Variants in ARHGAP10 observed in about 807,000 individuals in gnomAD.
The protein encoded by ARHGAP10 is Rho GTPase activating protein 10.
In ARHGAP10, 87 loss-of-function variants were observed where a neutral mutation model predicts 108.6. That is an observed-to-expected ratio of 0.80 (90% CI 0.67 to 0.96). The LOEUF is 0.96. Among genes scored for constraint, ARHGAP10 ranks in the 40% least tolerant of loss-of-function variants. ARHGAP10 has a pLI of 0.00. For synonymous variants in ARHGAP10, 347 were observed against 341.1 expected (o/e 1.02, Z -0.19); for missense variants, 939 against 954.5 (o/e 0.98, Z 0.21).
chr4:148,067,723 T>TGG (rs1216163157), intron 22 of ARHGAP10, among the ~76,000 whole-genome samples: 1 of 152,184 alleles, frequency 6.6e-6, no homozygotes, highest in African/African-American at 2.4e-5. Flanking sequence ...GAAAACAAAC[T>TGG]GGAGGTCAGA....
intron 1 of ARHGAP10, among the ~76,000 whole-genome samples, chr4:147,740,047 CTT>C (rs59246980): frequency 1.8e-4 from 21 of 118,848 alleles, no homozygotes; most frequent in Middle Eastern, 6.7e-3. Context: ...TACTGGGTTA[CTT>C]TTTTTTTTTT....
chr4:147,982,623 A>T (rs1233523921), intron 18 of ARHGAP10, among the ~76,000 whole-genome samples: 1 of 138,970 alleles, frequency 7.2e-6, no homozygotes, highest in Admixed American at 7.3e-5. Flanking sequence ...CTGGTCTCGA[A>T]CTCCTTGGCT....
chr4:148,061,516 A>G (rs1278002121), intron 20 of ARHGAP10, among the ~76,000 whole-genome samples: 4 of 152,208 alleles, frequency 2.6e-5, no homozygotes, highest in African/African-American at 7.2e-5. Flanking sequence ...TCACTTTAAG[A>G]TTTATAACAA....
chr4:148,006,320 G>C (rs1037691728), intron 18 of ARHGAP10, among the ~76,000 whole-genome samples: 1 of 152,226 alleles, frequency 6.6e-6, no homozygotes, highest in African/African-American at 2.4e-5. Flanking sequence ...GGTCATCCCA[G>C]ACGTTAGCAG....
At chr4:148,023,971 G>C (rs753078461) in intron 19 of ARHGAP10, among the ~76,000 whole-genome samples, 1 of 152,242 alleles carries the variant, frequency 6.6e-6, no homozygotes, top group Non-Finnish European at 1.5e-5. Context: ...AAGTTCTCAC[G>C]TCCCTTCCGA....
chr4:147,866,522 C>A (rs1229324198), intron 6 of ARHGAP10, 190 bp from the exon 7 acceptor site: 2 of 505,662 alleles, frequency 4.0e-6, no homozygotes, highest in East Asian at 3.2e-5. Flanking sequence ...AAAAAAGCAT[C>A]ATTTTCTATA....
chr4:147,775,529 C>A (rs1173762364), intron 1 of ARHGAP10, among the ~76,000 whole-genome samples: 3 of 152,152 alleles, frequency 2.0e-5, no homozygotes, highest in Admixed American at 1.3e-4. Context: ...AGAATAAGCA[C>A]CTTGTAGCCT....
chr4:148,068,871 C>T (rs1374534882), intron 22 of ARHGAP10, among the ~76,000 whole-genome samples: 1 of 152,182 alleles, frequency 6.6e-6, no homozygotes, highest in Non-Finnish European at 1.5e-5. Flanking sequence ...ACCTGCCTCT[C>T]TTTGGTGCTA....
rs1407875518 is a variant in ARHGAP10, at chr4:147,735,533, A to G, written c.154+3078A>G. Among the ~76,000 whole-genome samples the G allele has an allele frequency of 2.6e-5, 4 of 152,270 alleles. No homozygotes were observed. The East Asian group carries it at 7.7e-4, about 29-fold the overall frequency. ...GTTTTTCAGGGAGTAGTAGACTGGG[A>G]TGGATGGAGAGGTCAGTTTTAGATT... On this transcript the variant is annotated intron_variant, in intron 1 of 22. Transcript: ENST00000336498.
rs73853990 is a variant in ARHGAP10, at chr4:147,924,698, A to C, written c.1228+11559A>C. ...GCATAGTGGTGAAGAACATTAGCCCAAAAGACTATCTTGATTGTAATCTCA... is the reference window on the plus strand; with the variant it reads ...GCATAGTGGTGAAGAACATTAGCCCCAAAGACTATCTTGATTGTAATCTCA... On this transcript the variant is annotated intron_variant, in intron 13 of 22. Transcript: ENST00000336498. Among the ~76,000 whole-genome samples the C allele has an allele frequency of 1.4e-3, 213 of 152,298 alleles. 1 individual carries two copies. The highest frequency in any genetic ancestry group is 4.9e-3 in the African/African-American group (202 of 41,542).
At position 147,829,435 on chromosome 4, in the gene ARHGAP10, C is replaced by T. The variant is rs376483857; in HGVS notation, c.312+6478C>T. Among the ~76,000 whole-genome samples the T allele has an allele frequency of 5.3e-5, 8 of 151,934 alleles. No individual in the cohort carries two copies. The East Asian group carries it at 7.7e-4, about 15-fold the overall frequency. On this transcript the variant is annotated intron_variant, in intron 3 of 22. Coordinates refer to ENST00000336498, the MANE Select transcript of ARHGAP10 (RefSeq NM_024605.4). ...AACTCCTGACCTCGGGTGATCCACCCGCCTCGATCTCTGAAAGTGCTGGGA... is the reference window on the plus strand; with the variant it reads ...AACTCCTGACCTCGGGTGATCCACCTGCCTCGATCTCTGAAAGTGCTGGGA...
chr4:147,735,859 T>C (rs538687275), intron 1 of ARHGAP10, among the ~76,000 whole-genome samples: 1 of 152,372 alleles, frequency 6.6e-6, no homozygotes, highest in African/African-American at 2.4e-5. Flanking sequence ...ACCAGTGTCT[T>C]CTTTAAATGC....
chr4:147,739,956 G>A (rs953135833), intron 1 of ARHGAP10, among the ~76,000 whole-genome samples: 6 of 151,630 alleles, frequency 4.0e-5, no homozygotes, highest in Non-Finnish European at 7.4e-5. Flanking sequence ...GGCTGGTCTC[G>A]AACTCCTGAC....
intron 21 of ARHGAP10, among the ~76,000 whole-genome samples, chr4:148,063,793 G>A (rs1434439073): frequency 2.0e-5 from 3 of 152,142 alleles, no homozygotes; most frequent in African/African-American, 7.2e-5. Context: ...GTTTCCTTTG[G>A]ATTTGATTAG....
intron 1 of ARHGAP10, among the ~76,000 whole-genome samples, chr4:147,806,249 G>T (rs1328087042): frequency 6.6e-6 from 1 of 151,806 alleles, no homozygotes; most frequent in African/African-American, 2.4e-5. Flanking sequence ...GTCTAAATCG[G>T]CTCTCCAGAC....
At chr4:147,857,493 T>G in intron 4 of ARHGAP10, 60 bp from the exon 5 acceptor site, 8 of 1,347,932 alleles carry the variant, frequency 5.9e-6, no homozygotes, top group Non-Finnish European at 6.8e-6. Context: ...AGCTTCCCAG[T>G]GGATTAACCA....
chr4:147,763,129 A>G (rs1729655556), intron 1 of ARHGAP10, among the ~76,000 whole-genome samples: 1 of 152,192 alleles, frequency 6.6e-6, no homozygotes, highest in African/African-American at 2.4e-5. Flanking sequence ...AACTTTCAGT[A>G]TGTATTAGAA....
At chr4:147,783,851 T>C (rs998899422) in intron 1 of ARHGAP10, among the ~76,000 whole-genome samples, 2 of 110,992 alleles carry the variant, frequency 1.8e-5, no homozygotes, top group African/African-American at 1.0e-4. Flanking sequence ...ATAACACACA[T>C]TAAATTGTGT....
intron 13 of ARHGAP10, among the ~76,000 whole-genome samples, chr4:147,932,465 A>T (rs1737743935): frequency 6.6e-6 from 1 of 152,246 alleles, no homozygotes; most frequent in Non-Finnish European, 1.5e-5. Context: ...ATGGAATACT[A>T]TGCAGCCATA....
Sources: gnomAD v4.1 joint callset for allele counts (sites outside exome capture counted in the v4.1 genomes callset) on GRCh38, gnomAD v4.1.1 for gene constraint, MANE v1.5 for transcripts, NCBI Gene and HGNC (gene_info 2026-07-23, HGNC 2026-07-21) for gene names.